ADGRB1: variants seen among roughly 807,000 people sequenced by gnomAD.
ADGRB1 encodes brain-specific angiogenesis inhibitor 1.
ADGRB1 carries 36 observed loss-of-function variants against 175.7 expected under a neutral mutation model. That is an observed-to-expected ratio of 0.20 (90% CI 0.16 to 0.27). The LOEUF (loss-of-function observed/expected upper bound fraction) is 0.27, where lower values mean the gene tolerates loss of function less well. ADGRB1 is among the 10% of genes least tolerant of loss of function. The pLI is 1.00. For missense variants in ADGRB1, 1,731 were observed against 2,255.3 expected, an observed-to-expected ratio of 0.77 and a Z score of 4.71; for synonymous variants, 1,054 against 979.4, an observed-to-expected ratio of 1.08 and a Z score of -1.42.
At chr8:142,467,538 A>T (rs1028038626) in intron 2 of ADGRB1, among the ~76,000 whole-genome samples, 3 of 152,208 alleles carry the variant, frequency 2.0e-5, no homozygotes, top group African/African-American at 7.2e-5. Context: ...GAGGAGAAGA[A>T]GATCTGGAGG....
chr8:142,484,401 G>T (rs564355043), intron 12 of ADGRB1, among the ~76,000 whole-genome samples: 1 of 152,200 alleles, frequency 6.6e-6, no homozygotes, highest in East Asian at 1.9e-4. Flanking sequence ...CCTAGCCCGG[G>T]CAGCACCCGG....
chr8:142,482,490 G>T (rs1017661007), intron 11 of ADGRB1, among the ~76,000 whole-genome samples: 6 of 109,046 alleles, frequency 5.5e-5, no homozygotes, highest in Admixed American at 1.0e-4. Context: ...CTGGTCACAC[G>T]CTGAGCCCTG....
intron 22 of ADGRB1, among the ~76,000 whole-genome samples, chr8:142,523,132 G>T (rs1387843276): frequency 6.6e-6 from 1 of 152,230 alleles, no homozygotes; most frequent in East Asian, 1.9e-4. Context: ...CAGGGCAGGG[G>T]TCGGAGGCTT....
Position 142,475,357 on chromosome 8 carries a change from C to A in ADGRB1, c.785-117C>A, listed in dbSNP as rs886386944. 1.3e-5 allele frequency: 14 copies of A among 1,066,346 alleles called. No homozygotes were observed. The Admixed American group carries it at 2.1e-4, about 16-fold the overall frequency. 66.1% of individuals were successfully genotyped at this position (1,066,346 alleles called of 1,614,324 possible). ...TCCTCCCAGGCCAGGCCTTCCCCGG[C>A]ACTGCGGCCCCTCCCCACCCGGGCC... On this transcript the variant is annotated intron_variant, in intron 2 of 30. Coordinates refer to ENST00000517894, the MANE Select transcript of ADGRB1 (RefSeq NM_001702.3).
Position 142,483,991 on chromosome 8 carries a change from C to T in ADGRB1, c.2145C>T (p.Ile715=). Reference sequence around the variant, plus strand: ...CTTCTTTCCAGAACTTTGTCCAGATCCTTAGCAACCTGTTGGCAGAGGAGA... The same window carrying T: ...CTTCTTTCCAGAACTTTGTCCAGATTCTTAGCAACCTGTTGGCAGAGGAGA... ...TPGDVQNFVQ[I]LSNLLAEENR... is the part of the protein sequence containing the mutation. The change falls in exon 12 of 31, where the codon ATC becomes ATT. Residue 715 remains isoleucine, a synonymous_variant. Transcript: ENST00000517894. The T allele has an allele frequency of 1.9e-6, 3 of 1,613,410 alleles. No individual in the cohort carries two copies. The highest frequency in any genetic ancestry group is 2.5e-6 in the Non-Finnish European group (3 of 1,179,644).
At position 142,492,914 on chromosome 8, in the gene ADGRB1, C is replaced by G. The variant is rs550670576; in HGVS notation, c.2675+2099C>G. Among the ~76,000 whole-genome samples, 1 of 152,152 alleles carries G rather than the reference C, an allele frequency of 6.6e-6. No individual in the cohort carries two copies. Among genetic ancestry groups the G allele is most frequent in the African/African-American group, 2.4e-5 (1 of 41,538 alleles). On this transcript the variant is annotated intron_variant, in intron 17 of 30. Coordinates refer to ENST00000517894, the MANE Select transcript of ADGRB1 (RefSeq NM_001702.3). The surrounding 1 kb of genome is among the most constrained non-coding windows in gnomAD (Gnocchi z 4.4). ...CCCCTCCCCACAGTGCAGAAACCCT[C>G]CATCCGGGCTGTTCGCCGGCCGCGG...
Position 142,543,338 on chromosome 8 carries a change from G to T in ADGRB1, c.4414-65G>T. On this transcript the variant is annotated intron_variant, in intron 28 of 30. Transcript: ENST00000517894. This position sits in a 1 kb window ranked among gnomAD's most constrained non-coding sequence, Gnocchi z 4.4. Reference sequence around the variant, plus strand: ...GAGTCCCTGATGCCCTCAGTCTGAGGCAGGGAGAGGCGTGGACTTGTCAGG... The same window carrying T: ...GAGTCCCTGATGCCCTCAGTCTGAGTCAGGGAGAGGCGTGGACTTGTCAGG... 10 of 1,597,784 alleles carry T rather than the reference G, an allele frequency of 6.3e-6. No homozygotes were observed. The highest frequency in any genetic ancestry group is 1.3e-5 in the African/African-American group (1 of 74,676).
chr8:142,474,972 G>T lies in ADGRB1; in HGVS notation c.785-502G>T, dbSNP rs1333496266. Among the ~76,000 whole-genome samples, 7 of 152,142 alleles carry T rather than the reference G, an allele frequency of 4.6e-5. No individual in the cohort carries two copies. Among genetic ancestry groups the T allele is most frequent in the African/African-American group, 1.4e-4 (6 of 41,438 alleles). On this transcript the variant is annotated intron_variant, in intron 2 of 30. Transcript: ENST00000517894. This position sits in a 1 kb window ranked among gnomAD's most constrained non-coding sequence, Gnocchi z 5.8. ...GCGTGGGGTGAAGAAGCGGCTCCAG[G>T]TCACAGCTGGGGTGTGAAATGTGGA...
chr8:142,481,232 G>A (rs1003405891), intron 9 of ADGRB1, 22 bp from the exon 10 acceptor site: 2 of 1,610,364 alleles, frequency 1.2e-6, no homozygotes, highest in Non-Finnish European at 1.7e-6. Context: ...GCATCCACCT[G>A]AGAAGGGGAT....
At chr8:142,530,278 G>T (rs1200691185) in intron 24 of ADGRB1, among the ~76,000 whole-genome samples, 1 of 152,124 alleles carries the variant, frequency 6.6e-6, no homozygotes, top group African/African-American at 2.4e-5. Flanking sequence ...GAGGCAGCCA[G>T]GGCCAAGGGA....
intron 4 of ADGRB1, 35 bp downstream of exon 4, chr8:142,476,730 GC>G: frequency 6.6e-7 from 1 of 1,510,316 alleles, no homozygotes; most frequent in Non-Finnish European, 8.9e-7. Flanking sequence ...TGGGACTAGG[GC>G]TTTGGGAAAA....
chr8:142,529,234 G>C (rs912464440), intron 24 of ADGRB1, among the ~76,000 whole-genome samples: 1 of 152,176 alleles, frequency 6.6e-6, no homozygotes, highest in Non-Finnish European at 1.5e-5. Context: ...GCCACTGGGG[G>C]TGTGTGGGTA....
intron 13 of ADGRB1, among the ~76,000 whole-genome samples, chr8:142,486,445 G>C (rs1305391840): frequency 6.6e-6 from 1 of 152,182 alleles, no homozygotes; most frequent in Non-Finnish European, 1.5e-5. Flanking sequence ...TTCACCAGTA[G>C]AAATGTCCAT....
intron 17 of ADGRB1, 39 bp downstream of exon 17, chr8:142,490,854 G>T: frequency 6.4e-7 from 1 of 1,555,252 alleles, no homozygotes; most frequent in Non-Finnish European, 8.7e-7. Context: ...GGGGTCTGGG[G>T]TGGGGTTCGT....
In ADGRB1 at chr8:142,457,574, C is replaced by T. The variant is rs192792181; in HGVS notation, c.-219-6406C>T. Among the ~76,000 whole-genome samples the T allele has an allele frequency of 9.3e-4, 141 of 151,996 alleles. 2 individuals are homozygous for T. In the East Asian group the frequency reaches 0.025, roughly 27 times the overall value. On this transcript the variant is annotated intron_variant, in intron 1 of 30. Transcript: ENST00000517894. Reference sequence around the variant, plus strand: ...GGTCCGACCCTGCTGGCAGCCCTGCCCACCCTTAAGAGAGGCTTCCGGGCC... The same window carrying T: ...GGTCCGACCCTGCTGGCAGCCCTGCTCACCCTTAAGAGAGGCTTCCGGGCC...
intron 1 of ADGRB1, among the ~76,000 whole-genome samples, chr8:142,457,966 C>T (rs1406840810): frequency 6.6e-6 from 1 of 152,194 alleles, no homozygotes; most frequent in Non-Finnish European, 1.5e-5. Flanking sequence ...GCCTCCCAGC[C>T]CCCTGGGCAG....
At chr8:142,502,999 G>T (rs1166450685) in intron 17 of ADGRB1, among the ~76,000 whole-genome samples, 1 of 151,858 alleles carries the variant, frequency 6.6e-6, no homozygotes, top group Non-Finnish European at 1.5e-5. Context: ...CATGGAGGGG[G>T]TGGTGGCGAT....
chr8:142,476,877 C>T (rs1001927498), intron 4 of ADGRB1, among the ~76,000 whole-genome samples, 182 bp downstream of exon 4: 4 of 152,218 alleles, frequency 2.6e-5, no homozygotes, highest in Non-Finnish European at 4.4e-5. Context: ...GGTGAAGAAA[C>T]GTGTCCCTGG....
chr8:142,503,605 A>T (rs1478723475), intron 17 of ADGRB1, among the ~76,000 whole-genome samples: 1 of 151,780 alleles, frequency 6.6e-6, no homozygotes, highest in Non-Finnish European at 1.5e-5. Flanking sequence ...TCTGAGTGCC[A>T]GCCTCCTGCT....
Sources: allele counts gnomAD v4.1 joint callset (sites outside exome capture counted in the v4.1 genomes callset), GRCh38; gene constraint gnomAD v4.1.1; non-coding constraint Gnocchi (gnomAD v3.1); transcripts MANE v1.5; gene names NCBI Gene and HGNC (gene_info 2026-07-23, HGNC 2026-07-21).